The following SYNJ2BP variants were observed in gnomAD, a reference collection of about 807,000 sequenced individuals.
SYNJ2BP encodes the protein synaptojanin-2-binding protein.
SYNJ2BP carries 10 observed loss-of-function variants against 16.9 expected under a neutral mutation model. The observed-to-expected ratio is 0.59, with a 90% confidence interval of 0.36 to 1.00. SYNJ2BP has a LOEUF of 1.00. SYNJ2BP is among the 50% of genes least tolerant of loss of function. The pLI, the probability that SYNJ2BP is intolerant of heterozygous loss-of-function variation, is 0.01. For missense variants in SYNJ2BP, 162 were observed against 186.7 expected (o/e 0.87, Z 0.77); for synonymous variants, 54 against 68.4 (o/e 0.79, Z 1.04).
chr14:70,367,206 A>G lies in SYNJ2BP; in HGVS notation c.*5785T>C, dbSNP rs1887407681. 1 of 152,140 alleles carries G rather than the reference A, an allele frequency of 6.6e-6. No individual in the cohort carries two copies. Among genetic ancestry groups the G allele is most frequent in the South Asian group, 2.1e-4 (1 of 4,818 alleles). 9.4% of individuals were successfully genotyped at this position (152,140 alleles called of 1,614,324 possible). A position where few individuals can be genotyped will look rare whatever the true frequency, so the allele number is the denominator to read the frequency against. On this transcript the variant is annotated 3_prime_UTR_variant, in exon 4 of 4. Transcript: ENST00000256366. ...TGAAGGAGCAATGCTTTCTCATAAT[A>G]TAGGTTTTATAGTATCATCAAGTAC... is the stretch of plus-strand genomic sequence containing the variant.
intron 1 of SYNJ2BP, among the ~76,000 whole-genome samples, chr14:70,412,631 A>ATATATACAGTATATATATGTATGTAT (rs1235982664): frequency 1.8e-4 from 27 of 149,312 alleles, no homozygotes; most frequent in Non-Finnish European, 2.4e-4. Flanking sequence ...TATATATAGT[A>ATATATACAGTATATATATGTATGTAT]ACTAGCACAC....
intron 1 of SYNJ2BP, among the ~76,000 whole-genome samples, chr14:70,396,560 C>T (rs1192092396): frequency 6.6e-6 from 1 of 150,776 alleles, no homozygotes; most frequent in Non-Finnish European, 1.5e-5. Context: ...TGCACAGCTA[C>T]CCCAATGATA....
intron 3 of SYNJ2BP, 95 bp from the exon 4 acceptor site, chr14:70,373,226 G>A (rs940770491): frequency 2.6e-6 from 4 of 1,518,754 alleles, no homozygotes; most frequent in Non-Finnish European, 3.5e-6. Flanking sequence ...GTAGACTCTA[G>A]ACCACCCAAA....
At chr14:70,378,547 C>A (rs562659111) in intron 2 of SYNJ2BP, among the ~76,000 whole-genome samples, 1 of 151,718 alleles carries the variant, frequency 6.6e-6, no homozygotes, top group Admixed American at 6.6e-5. Flanking sequence ...CTGCCTCAGC[C>A]TCCGAAAGTG....
In SYNJ2BP at chr14:70,371,795, T is replaced by C. The variant is rs1887523791; in HGVS notation, c.*1196A>G. The C allele has an allele frequency of 6.6e-6, 1 of 152,210 alleles. No individual in the cohort carries two copies. Among genetic ancestry groups the C allele is most frequent in the African/African-American group, 2.4e-5 (1 of 41,454 alleles). 9.4% of individuals were successfully genotyped at this position (152,210 alleles called of 1,614,324 possible). On this transcript the variant is annotated 3_prime_UTR_variant, in exon 4 of 4. Coordinates refer to ENST00000256366, the MANE Select transcript of SYNJ2BP (RefSeq NM_018373.3). ...AGGCAGTTCCTTCCCTCAGGTTTGT[T>C]AGTAGAAACCAAAAAGTAGCCTGAG...
intron 1 of SYNJ2BP, among the ~76,000 whole-genome samples, chr14:70,391,725 GA>G (rs879285444): frequency 4.8e-4 from 72 of 151,184 alleles, no homozygotes; most frequent in Non-Finnish European, 9.2e-4. Context: ...GCTAACTGTA[GA>G]AAAAAAAGGA....
Position 70,405,269 on chromosome 14 carries a change from A to G in SYNJ2BP, c.64+11631T>C, listed in dbSNP as rs865882331. ...TTGTAGAATGTCTACGGAAAAAAATAAATGAATGAATGAATGATAATGGGG... is the reference window on the plus strand; with the variant it reads ...TTGTAGAATGTCTACGGAAAAAAATGAATGAATGAATGAATGATAATGGGG... On this transcript the variant is annotated intron_variant, in intron 1 of 3. Coordinates refer to ENST00000256366, the MANE Select transcript of SYNJ2BP (RefSeq NM_018373.3). 2.3e-4 allele frequency among the ~76,000 whole-genome samples: 35 copies of G among 152,268 alleles called. No individual in the cohort carries two copies. The Middle Eastern group carries it at 0.01, about 44-fold the overall frequency.
intron 2 of SYNJ2BP, among the ~76,000 whole-genome samples, chr14:70,381,944 A>C (rs752478532): frequency 2.0e-5 from 3 of 151,286 alleles, no homozygotes; most frequent in Non-Finnish European, 4.4e-5. Flanking sequence ...GTGGGTCAAG[A>C]CCAGTTGTTT....
At position 70,409,504 on chromosome 14, in the gene SYNJ2BP, C is replaced by T. The variant is rs958855830; in HGVS notation, c.64+7396G>A. ...GTTTCTGCAGTTGAACATCTATCAG[C>T]TTGCCTTTCTATTTCCCCAAAGTAA... On this transcript the variant is annotated intron_variant, in intron 1 of 3. Coordinates refer to ENST00000256366, the MANE Select transcript of SYNJ2BP (RefSeq NM_018373.3). 6.6e-5 allele frequency among the ~76,000 whole-genome samples: 10 copies of T among 152,168 alleles called. 1 individual carries two copies. Among genetic ancestry groups the T allele is most frequent in the African/African-American group, 2.4e-4 (10 of 41,432 alleles).
At chr14:70,386,229 A>C (rs1887855726) in intron 2 of SYNJ2BP, among the ~76,000 whole-genome samples, 1 of 152,186 alleles carries the variant, frequency 6.6e-6, no homozygotes, top group Non-Finnish European at 1.5e-5. Flanking sequence ...ACCACTGCCA[A>C]GTTGATTCAT....
In SYNJ2BP at chr14:70,410,455, T is replaced by A. The variant is rs367664044; in HGVS notation, c.64+6445A>T. On this transcript the variant is annotated intron_variant, in intron 1 of 3. Transcript: ENST00000256366. Reference sequence around the variant, plus strand: ...AAATAAATATAAAAACATTCCATTATATTATTATGATATCTATCAGTTTGC... The same window carrying A: ...AAATAAATATAAAAACATTCCATTAAATTATTATGATATCTATCAGTTTGC... 8.5e-5 allele frequency among the ~76,000 whole-genome samples: 13 copies of A among 152,250 alleles called. No homozygotes were observed. In the South Asian group the frequency reaches 2.7e-3, roughly 32 times the overall value.
At chr14:70,377,124 C>T (rs1419560279) in intron 2 of SYNJ2BP, among the ~76,000 whole-genome samples, 1 of 152,318 alleles carries the variant, frequency 6.6e-6, no homozygotes, top group Non-Finnish European at 1.5e-5. Context: ...CTCTTAAAAA[C>T]CTGACAACAA....
chr14:70,402,668 A>G (rs1888265000), intron 1 of SYNJ2BP, among the ~76,000 whole-genome samples: 3 of 24,232 alleles, frequency 1.2e-4, no homozygotes, highest in South Asian at 1.5e-3. Flanking sequence ...GCCTGCTTTA[A>G]AAAAAAAAAA....
chr14:70,373,197 T>G, intron 3 of SYNJ2BP, 66 bp from the exon 4 acceptor site: 2 of 1,589,200 alleles, frequency 1.3e-6, no homozygotes, highest in Non-Finnish European at 1.7e-6. Context: ...ACGCCCAGGT[T>G]GATACATCAC....
intron 1 of SYNJ2BP, among the ~76,000 whole-genome samples, chr14:70,392,504 T>C (rs568498965): frequency 2.6e-5 from 4 of 152,124 alleles, no homozygotes; most frequent in African/African-American, 9.6e-5. Context: ...CGAAAAAAAA[T>C]CTTCATAAAC....
In SYNJ2BP at chr14:70,372,083, T is replaced by C. The variant is rs1466306425; in HGVS notation, c.*908A>G. ...AATAACTCACCATAGTTGGCTGTTATAAGAATAAATATTGTTCTTCTAAGA... is the reference window on the plus strand; with the variant it reads ...AATAACTCACCATAGTTGGCTGTTACAAGAATAAATATTGTTCTTCTAAGA... On this transcript the variant is annotated 3_prime_UTR_variant, in exon 4 of 4. Coordinates refer to ENST00000256366, the MANE Select transcript of SYNJ2BP (RefSeq NM_018373.3). 2.0e-5 allele frequency: 3 copies of C among 152,236 alleles called. No individual in the cohort carries two copies. The highest frequency in any genetic ancestry group is 7.2e-5 in the African/African-American group (3 of 41,460). The allele number at this position is 152,236 out of a possible 1,614,324, so 9.4% of individuals were successfully genotyped here.
intron 1 of SYNJ2BP, among the ~76,000 whole-genome samples, chr14:70,399,803 T>TGC (rs1310523138): frequency 2.0e-5 from 3 of 152,228 alleles, no homozygotes; most frequent in African/African-American, 7.2e-5. Flanking sequence ...GTCAGCTTCA[T>TGC]GCTGATTGGT....
rs1307288085 is a variant in SYNJ2BP at position 70,417,009 on chromosome 14, G to A, written c.-46C>T. The A allele has an allele frequency of 2.5e-6, 4 of 1,613,764 alleles. No homozygotes were observed. Among genetic ancestry groups the A allele is most frequent in the Non-Finnish European group, 3.4e-6 (4 of 1,179,898 alleles). On this transcript the variant is annotated 5_prime_UTR_variant, in exon 1 of 4. Transcript: ENST00000256366. ...TCCTACTTGGGTCAGCTGGAGTGCA[G>A]CACAGGTGAAGGTGAATCAATCTCG... is the stretch of plus-strand genomic sequence containing the variant.
At chr14:70,374,512 T>C (rs1478182955) in intron 3 of SYNJ2BP, among the ~76,000 whole-genome samples, 1 of 152,254 alleles carries the variant, frequency 6.6e-6, no homozygotes, top group Non-Finnish European at 1.5e-5. Flanking sequence ...GTTTTGTGAA[T>C]ATGCTCAGAA....
Sources: gnomAD v4.1 joint callset for allele counts (sites outside exome capture counted in the v4.1 genomes callset) on GRCh38, gnomAD v4.1.1 for gene constraint, MANE v1.5 for transcripts, NCBI Gene and HGNC (gene_info 2026-07-23, HGNC 2026-07-21) for gene names.